The following SLC39A14 variants were observed in gnomAD, a reference collection of about 807,000 sequenced individuals.
SLC39A14 encodes solute carrier family 39 member 14.
In SLC39A14, 19 loss-of-function variants were observed where a neutral mutation model predicts 45.5. The observed-to-expected ratio is 0.42, with a 90% CI of 0.29 to 0.61. SLC39A14 has a LOEUF of 0.61. Ranked by LOEUF, SLC39A14 falls within the 20% of genes least tolerant of loss-of-function variation. The pLI is 0.22. For missense variants in SLC39A14, 447 were observed against 616.5 expected, an observed-to-expected ratio of 0.73 and a Z score of 2.91; for synonymous variants, 264 against 251.3, an observed-to-expected ratio of 1.05 and a Z score of -0.48.
At chr8:22,425,233 T>A (rs976481709), downstream of SLC39A14, among the ~76,000 whole-genome samples, 3 of 152,112 alleles carry the variant, frequency 2.0e-5, no homozygotes, top group Non-Finnish European at 4.4e-5. Context: ...GGAACAGAGC[T>A]AAGCAAAGTA....
chr8:22,404,548 G>C, intron 1 of SLC39A14, 148 bp from the exon 2 acceptor site: 3 of 660,888 alleles, frequency 4.5e-6, no homozygotes, highest in Non-Finnish European at 7.6e-6. Context: ...TCAAAAGAAG[G>C]GTTTTTCTCA....
chr8:22,434,065 C>G, exon 9 of SLC39A14: 1 of 184,604 alleles, frequency 5.4e-6, no homozygotes, highest in Non-Finnish European at 1.2e-5. Flanking sequence ...TATATTTTAG[C>G]TTTTTCACTT....
At chr8:22,408,862 C>T (rs577055579) in intron 3 of SLC39A14, among the ~76,000 whole-genome samples, 4 of 148,536 alleles carry the variant, frequency 2.7e-5, no homozygotes, top group Admixed American at 6.8e-5. Context: ...GCTCTGTCTC[C>T]GAGGCTGGAG....
intron 1 of SLC39A14, chr8:22,398,652 G>A (rs1323105224): frequency 3.3e-6 from 3 of 913,910 alleles, no homozygotes; most frequent in African/African-American, 3.6e-5. Context: ...TAGACCCAGC[G>A]TCACAGAAGT....
chr8:22,388,430 A>G (rs1833898007), intron 1 of SLC39A14, among the ~76,000 whole-genome samples: 1 of 151,752 alleles, frequency 6.6e-6, no homozygotes, highest in Non-Finnish European at 1.5e-5. Flanking sequence ...AGGGCAAGAG[A>G]GCAGTGGCAG....
intron 7 of SLC39A14, 24 bp downstream of exon 7, chr8:22,416,304 C>G (rs1181704927): frequency 1.2e-6 from 2 of 1,603,534 alleles, no homozygotes; most frequent in South Asian, 1.1e-5. Context: ...CCCCGTTCCA[C>G]TGGTGCTCCC....
chr8:22,419,756 C>T lies in SLC39A14; in HGVS notation c.*58C>T. On this transcript the variant is annotated 3_prime_UTR_variant, in exon 9 of 9. Coordinates refer to ENST00000381237, the MANE Select transcript of SLC39A14 (RefSeq NM_001128431.4). ...GGGCCCTGGGCTGCCCGATCGCCAG[C>T]CCGAGGACTTACCATCCACAATGCA... is the stretch of plus-strand genomic sequence containing the variant. 1.3e-6 allele frequency: 2 copies of T among 1,512,954 alleles called. No homozygotes were observed. Among genetic ancestry groups the T allele is most frequent in the Non-Finnish European group, 1.8e-6 (2 of 1,132,316 alleles). The allele number at this position is 1,512,954 out of a possible 1,614,324, so 93.7% of individuals were successfully genotyped here.
intron 1 of SLC39A14, among the ~76,000 whole-genome samples, chr8:22,391,858 GCT>G (rs1303080489): frequency 7.9e-5 from 12 of 152,198 alleles, no homozygotes; most frequent in East Asian, 3.9e-4. Context: ...ATGAGCCACC[GCT>G]CCCGGCCAGG....
At position 22,386,214 on chromosome 8, in the gene SLC39A14, G is replaced by A. The variant is rs567928166; in HGVS notation, c.-15-18482G>A. ...CTTGCCTCAGCCTCCCAAAGTGCTGGGATTACAGGCGTGAGCCACTGCGCC... is the reference window on the plus strand; with the variant it reads ...CTTGCCTCAGCCTCCCAAAGTGCTGAGATTACAGGCGTGAGCCACTGCGCC... On this transcript the variant is annotated intron_variant, in intron 1 of 8. Transcript: ENST00000381237. Among the ~76,000 whole-genome samples the A allele has an allele frequency of 1.9e-3, 286 of 152,020 alleles. 2 individuals carry two copies. The highest frequency in any genetic ancestry group is 3.4e-3 in the Middle Eastern group (1 of 292).
chr8:22,401,623 C>T (rs1834872889), intron 1 of SLC39A14, among the ~76,000 whole-genome samples: 1 of 139,004 alleles, frequency 7.2e-6, no homozygotes, highest in Non-Finnish European at 1.5e-5. Context: ...TCTCGGCTCA[C>T]TGCAAGCTCC....
chr8:22,374,577 A>AT (rs397793802), intron 1 of SLC39A14, among the ~76,000 whole-genome samples: 5 of 148,380 alleles, frequency 3.4e-5, no homozygotes, highest in African/African-American at 1.3e-4. Context: ...AGAGTGGCTG[A>AT]GAGGGAGCAG....
intron 1 of SLC39A14, chr8:22,393,271 C>T: frequency 1.0e-6 from 1 of 982,952 alleles, no homozygotes; most frequent in Non-Finnish European, 1.2e-6. Context: ...CAAGAGGAGG[C>T]AGGGGGAGAA....
intron 8 of SLC39A14, among the ~76,000 whole-genome samples, chr8:22,433,283 G>A (rs970013450): frequency 1.3e-5 from 2 of 152,068 alleles, no homozygotes; most frequent in African/African-American, 4.8e-5. Context: ...CCTTAACACA[G>A]TGCCTGGCAC....
At position 22,406,793 on chromosome 8, in the gene SLC39A14, C is replaced by T. The variant is rs539611099; in HGVS notation, c.271-1517C>T. ...CCAGAGACAAGCACGCCCCCGTGCC[C>T]CCGCGGGGTAATGCAGCTGCGTGAG... On this transcript the variant is annotated intron_variant, in intron 2 of 8. Transcript: ENST00000381237. Among the ~76,000 whole-genome samples, 520 of 152,306 alleles carry T rather than the reference C, an allele frequency of 3.4e-3. 2 individuals carry two copies. The highest frequency in any genetic ancestry group is 5.5e-3 in the Non-Finnish European group (376 of 68,024).
intron 1 of SLC39A14, among the ~76,000 whole-genome samples, chr8:22,377,223 A>G (rs913733691): frequency 5.3e-5 from 8 of 151,308 alleles, no homozygotes; most frequent in Admixed American, 3.9e-4. Context: ...AGCTTTGACC[A>G]TTTTGGGAGC....
chr8:22,389,083 G>A (rs1015553268), intron 1 of SLC39A14, among the ~76,000 whole-genome samples: 1 of 152,192 alleles, frequency 6.6e-6, no homozygotes, highest in Admixed American at 6.5e-5. Flanking sequence ...ACCTGTTTTG[G>A]TTAAGAGATC....
At chr8:22,383,098 G>A (rs1833605104) in intron 1 of SLC39A14, among the ~76,000 whole-genome samples, 1 of 152,110 alleles carries the variant, frequency 6.6e-6, no homozygotes, top group Admixed American at 6.6e-5. Context: ...AGCTGGGTGT[G>A]GTATGGTATG....
chr8:22,405,976 A>G (rs2132314583), intron 2 of SLC39A14, among the ~76,000 whole-genome samples: 1 of 152,334 alleles, frequency 6.6e-6, no homozygotes, highest in South Asian at 2.1e-4. Context: ...GGGGAGTTCA[A>G]CCAACAGAGG....
intron 8 of SLC39A14, among the ~76,000 whole-genome samples, chr8:22,432,482 CTCTT>C (rs966463538): frequency 1.3e-5 from 2 of 150,690 alleles, no homozygotes; most frequent in Admixed American, 6.6e-5. Context: ...CTCTTTTTCT[CTCTT>C]TCTTTCTTTT....
Sources: gnomAD v4.1 joint callset for allele counts (sites outside exome capture counted in the v4.1 genomes callset) on GRCh38, gnomAD v4.1.1 for gene constraint, MANE v1.5 for transcripts, NCBI Gene and HGNC (gene_info 2026-07-23, HGNC 2026-07-21) for gene names.